Variants in RSPO3 observed in about 807,000 individuals in gnomAD.
RSPO3 encodes the protein R-spondin-3.
RSPO3 carries 17 observed loss-of-function variants against 36.5 expected under a neutral mutation model. The observed-to-expected ratio is 0.47, with a 90% CI of 0.32 to 0.70. RSPO3 has a LOEUF of 0.70. Ranked by LOEUF, RSPO3 falls within the 30% of genes least tolerant of loss-of-function variation. The probability of loss-of-function intolerance (pLI) is 0.04; values close to 1 mark genes in which losing one functional copy is unlikely to be tolerated. For synonymous variants in RSPO3, 108 were observed against 107.0 expected (o/e 1.01, Z -0.06); for missense variants, 294 against 322.5 (o/e 0.91, Z 0.68).
intron 4 of RSPO3, among the ~76,000 whole-genome samples, chr6:127,187,327 A>G (rs557122675): frequency 9.9e-5 from 15 of 152,224 alleles, no homozygotes; most frequent in Non-Finnish European, 1.6e-4. Context: ...ATAGGTAATA[A>G]AATTCCCATA....
chr6:127,126,985 C>G (rs555592606), intron 1 of RSPO3, among the ~76,000 whole-genome samples: 6 of 152,052 alleles, frequency 3.9e-5, no homozygotes, highest in Non-Finnish European at 8.8e-5. Flanking sequence ...CCTTAAAACA[C>G]CTTTCTAAAA....
intron 4 of RSPO3, among the ~76,000 whole-genome samples, chr6:127,168,419 T>C (rs201505169): frequency 6.7e-6 from 1 of 149,750 alleles, no homozygotes; most frequent in Non-Finnish European, 1.5e-5. Flanking sequence ...AAGTGTCTGT[T>C]ATATCTTTTG....
rs1554221214 is a variant in RSPO3 at position 127,155,891 on chromosome 6, T to TATATAC, written c.634+454_634+455insTATACA. ...GTAGCTAAGTGTATATATATATATA[T>TATATAC]ACACACACACACACATATATATAAA... is the stretch of plus-strand genomic sequence containing the variant. On this transcript the variant is annotated intron_variant, in intron 4 of 4. Coordinates refer to ENST00000356698, the MANE Select transcript of RSPO3 (RefSeq NM_032784.5). Among the ~76,000 whole-genome samples the TATATAC allele has an allele frequency of 3.9e-3, 584 of 150,728 alleles. 4 individuals are homozygous for TATATAC. Among genetic ancestry groups the TATATAC allele is most frequent in the African/African-American group, 0.011 (462 of 41,012 alleles).
chr6:127,181,299 A>G (rs1775181510), intron 4 of RSPO3, among the ~76,000 whole-genome samples: 1 of 151,924 alleles, frequency 6.6e-6, no homozygotes, highest in African/African-American at 2.4e-5. Flanking sequence ...ATACTTAAAA[A>G]CTATACAGTA....
intron 3 of RSPO3, among the ~76,000 whole-genome samples, chr6:127,154,311 A>G (rs1316146631): frequency 6.6e-6 from 1 of 152,180 alleles, no homozygotes; most frequent in Non-Finnish European, 1.5e-5. Flanking sequence ...AGTTTTAGGG[A>G]CATAAATATA....
At chr6:127,162,824 A>G (rs548166019) in intron 4 of RSPO3, among the ~76,000 whole-genome samples, 19 of 152,316 alleles carry the variant, frequency 1.2e-4, no homozygotes, top group African/African-American at 3.8e-4. Context: ...GTTTCCTAAC[A>G]CATTACAAAG....
rs552976668 is a variant in RSPO3 at position 127,197,959 on chromosome 6, G to A, written c.*1952G>A. On this transcript the variant is annotated 3_prime_UTR_variant, in exon 5 of 5. Coordinates refer to ENST00000356698, the MANE Select transcript of RSPO3 (RefSeq NM_032784.5). ...TATGTCCCCAGGTTTGAGACCTTTC[G>A]GATGATTTCATATACCATCTTTCTT... Among the ~76,000 whole-genome samples the A allele has an allele frequency of 5.3e-5, 8 of 152,244 alleles. No individual in the cohort carries two copies. The South Asian group carries it at 1.2e-3, about 24-fold the overall frequency.
rs773688715 is a variant in RSPO3 at position 127,199,164 on chromosome 6, A to C, written c.*3157A>C. Among the ~76,000 whole-genome samples, 3 of 152,188 alleles carry C rather than the reference A, an allele frequency of 2.0e-5. No homozygotes were observed. The highest frequency in any genetic ancestry group is 4.4e-5 in the Non-Finnish European group (3 of 68,036). ...CTACTAACTGGTTGCAGCTTGTGTG[A>C]CCTTGGGCACATTGTATGATCTCGC... On this transcript the variant is annotated 3_prime_UTR_variant, in exon 5 of 5. Coordinates refer to ENST00000356698, the MANE Select transcript of RSPO3 (RefSeq NM_032784.5).
At chr6:127,167,643 G>T (rs980208305) in intron 4 of RSPO3, among the ~76,000 whole-genome samples, 2 of 151,756 alleles carry the variant, frequency 1.3e-5, no homozygotes, top group Non-Finnish European at 2.9e-5. Context: ...TAAGTTCTAG[G>T]GTACATGTGC....
At chr6:127,169,208 G>T (rs1278472518) in intron 4 of RSPO3, among the ~76,000 whole-genome samples, 3 of 147,050 alleles carry the variant, frequency 2.0e-5, no homozygotes, top group Non-Finnish European at 4.5e-5. Context: ...CAGCATCTGG[G>T]TTTTTTTTTT....
rs549357893 is a variant in RSPO3 at position 127,144,745 on chromosome 6, T to TA, written c.98-3902dup. Among the ~76,000 whole-genome samples the TA allele has an allele frequency of 4.8e-5, 7 of 145,744 alleles. No individual in the cohort carries two copies. In the South Asian group the frequency reaches 1.3e-3, roughly 28 times the overall value. On this transcript the variant is annotated intron_variant, in intron 1 of 4. Coordinates refer to ENST00000356698, the MANE Select transcript of RSPO3 (RefSeq NM_032784.5). ...CCTCCAACTCCCAGGCTCAAGCAGTTACGGTAGCTGGGATTACAGACGTGC... is the reference window on the plus strand; with the variant it reads ...CCTCCAACTCCCAGGCTCAAGCAGTTAACGGTAGCTGGGATTACAGACGTGC...
intron 1 of RSPO3, among the ~76,000 whole-genome samples, chr6:127,147,794 A>T (rs1464136323): frequency 6.6e-6 from 1 of 152,192 alleles, no homozygotes. Flanking sequence ...AGACTGGTCC[A>T]TTCTCACCAA....
chr6:127,171,696 G>T (rs1224478872), intron 4 of RSPO3, among the ~76,000 whole-genome samples: 1 of 151,394 alleles, frequency 6.6e-6, no homozygotes, highest in Non-Finnish European at 1.5e-5. Context: ...TTTTTTTCAG[G>T]ATTTCTGTCA....
chr6:127,178,531 G>T (rs1165566973), intron 4 of RSPO3, among the ~76,000 whole-genome samples: 2 of 151,528 alleles, frequency 1.3e-5, no homozygotes, highest in Non-Finnish European at 3.0e-5. Flanking sequence ...AAAACATGCT[G>T]GGTTAAGGGC....
chr6:127,196,995 G>C lies in RSPO3; in HGVS notation c.*988G>C, dbSNP rs1407126749. On this transcript the variant is annotated 3_prime_UTR_variant, in exon 5 of 5. Coordinates refer to ENST00000356698, the MANE Select transcript of RSPO3 (RefSeq NM_032784.5). Reference sequence around the variant, plus strand: ...TTTTCTAACAAGGTATATCTAGTAGGGGAGAAAGCCACCACAATAAATATA... The same window carrying C: ...TTTTCTAACAAGGTATATCTAGTAGCGGAGAAAGCCACCACAATAAATATA... The C allele has an allele frequency of 1.3e-5, 2 of 157,778 alleles. No homozygotes were observed. The highest frequency in any genetic ancestry group is 1.2e-4 in the Admixed American group (2 of 16,234). The allele number at this position is 157,778 out of a possible 1,614,324, so 9.8% of individuals were successfully genotyped here. A position where few individuals can be genotyped will look rare whatever the true frequency, so the allele number is the denominator to read the frequency against.
At chr6:127,180,993 G>A (rs1390660106) in intron 4 of RSPO3, among the ~76,000 whole-genome samples, 2 of 151,736 alleles carry the variant, frequency 1.3e-5, no homozygotes, top group Admixed American at 6.6e-5. Flanking sequence ...TAAAATGCAC[G>A]TTTCCTGATA....
intron 4 of RSPO3, among the ~76,000 whole-genome samples, chr6:127,193,971 G>A (rs1008594481): frequency 1.3e-5 from 2 of 152,174 alleles, no homozygotes; most frequent in Non-Finnish European, 2.9e-5. Context: ...ACCCTTGAAT[G>A]AATTCTGATT....
intron 4 of RSPO3, among the ~76,000 whole-genome samples, chr6:127,169,364 C>T (rs1168330258): frequency 2.6e-5 from 4 of 151,696 alleles, no homozygotes; most frequent in Non-Finnish European, 5.9e-5. Flanking sequence ...CAGTTGTGTG[C>T]CAGACATAGT....
At chr6:127,195,154 G>A (rs1299849061) in intron 4 of RSPO3, among the ~76,000 whole-genome samples, 1 of 151,950 alleles carries the variant, frequency 6.6e-6, no homozygotes, top group Non-Finnish European at 1.5e-5. Context: ...TTAAAAATAT[G>A]AGCCAGATAA....
Sources: allele counts gnomAD v4.1 joint callset (sites outside exome capture counted in the v4.1 genomes callset), GRCh38; gene constraint gnomAD v4.1.1; transcripts MANE v1.5; gene names NCBI Gene and HGNC (gene_info 2026-07-23, HGNC 2026-07-21).